RILPL1: variants seen among roughly 807,000 people sequenced by gnomAD.
RILPL1 encodes Rab interacting lysosomal protein like 1.
In RILPL1, 33 loss-of-function variants were observed where a neutral mutation model predicts 50.3. The observed-to-expected ratio is 0.66, with a 90% confidence interval of 0.50 to 0.88. The LOEUF is 0.88. Among genes scored for constraint, RILPL1 ranks in the 40% least tolerant of loss-of-function variants. RILPL1 has a pLI of 0.00. For missense variants in RILPL1, 418 were observed against 542.5 expected (o/e 0.77, Z 2.28); for synonymous variants, 205 against 228.6 (o/e 0.90, Z 0.93).
intron 2 of RILPL1, among the ~76,000 whole-genome samples, chr12:123,508,181 C>T (rs1172930966): frequency 6.6e-6 from 1 of 152,038 alleles, no homozygotes; most frequent in East Asian, 1.9e-4. Flanking sequence ...ATCACTGGAA[C>T]TCAGGAGGTC....
rs1237283884 is a variant in RILPL1, at chr12:123,533,414, G to T, written c.69C>A (p.Thr23=). 23 of 1,545,102 alleles carry T rather than the reference G, an allele frequency of 1.5e-5. No individual in the cohort carries two copies. In the East Asian group the frequency reaches 4.7e-4, roughly 31 times the overall value. The change falls in exon 1 of 7, where the codon ACC becomes ACA. Residue 23 remains threonine, a synonymous_variant. Coordinates refer to ENST00000376874, the MANE Select transcript of RILPL1 (RefSeq NM_178314.5). This position sits in a 1 kb window ranked among gnomAD's most constrained non-coding sequence, Gnocchi z 6.2. Reference sequence around the variant, plus strand: ...ACGCGATGTCGTACACGTCCATGACGGTCAGCTCGGCCACGTTCTTCTCCA... The same window carrying T: ...ACGCGATGTCGTACACGTCCATGACTGTCAGCTCGGCCACGTTCTTCTCCA... ...SALEKNVAEL[T]VMDVYDIASL...
chr12:123,500,793 A>G (rs1883331460), intron 2 of RILPL1, among the ~76,000 whole-genome samples: 1 of 152,098 alleles, frequency 6.6e-6, no homozygotes, highest in Non-Finnish European at 1.5e-5. Context: ...TAAATGATGA[A>G]CAGAGAAAGG....
At chr12:123,478,822 G>A (rs1404019546) in intron 6 of RILPL1, among the ~76,000 whole-genome samples, 1 of 152,184 alleles carries the variant, frequency 6.6e-6, no homozygotes, top group Admixed American at 6.5e-5. Context: ...CAGGGACCAC[G>A]CAAAAGGGGG....
At chr12:123,481,109 C>G (rs1008934540) in intron 6 of RILPL1, among the ~76,000 whole-genome samples, 3 of 152,134 alleles carry the variant, frequency 2.0e-5, no homozygotes, top group Non-Finnish European at 4.4e-5. Context: ...GTAATCCCAG[C>G]ACTTTGGGAG....
In RILPL1 at chr12:123,485,658, G is replaced by A; in HGVS notation, c.949C>T (p.Gln317Ter). The stretch of plus-strand genomic sequence containing the variant: ...CTCTTATAGTAAGCCAGCTCCTCCT[G>A]CAGCAAGAACACCTTGGACTTGAGC... Reference protein sequence around the residue: ...NELKSKVFLLQEELAYYKSEE... With the variant: ...NELKSKVFLL Residue 317 changes from glutamine to a stop codon, truncating the protein, a stop_gained, in exon 5 of 7, where the codon CAG becomes TAG. Coordinates refer to ENST00000376874, the MANE Select transcript of RILPL1 (RefSeq NM_178314.5). LOFTEE classifies it high-confidence loss of function. This position sits in a 1 kb window ranked among gnomAD's most constrained non-coding sequence, Gnocchi z 4.0. 1 of 1,613,732 alleles carries A rather than the reference G, an allele frequency of 6.2e-7. No individual in the cohort carries two copies. The highest frequency in any genetic ancestry group is 8.5e-7 in the Non-Finnish European group (1 of 1,179,772).
In RILPL1 at chr12:123,485,277, C is replaced by CCA; in HGVS notation, c.974+354_974+355dup. 2.2e-6 allele frequency: 1 copy of CCA among 459,716 alleles called. No individual in the cohort carries two copies. The highest frequency in any genetic ancestry group is 1.6e-5 in the South Asian group (1 of 64,190). The allele number at this position is 459,716 out of a possible 1,614,324, so 28.5% of individuals were successfully genotyped here. On this transcript the variant is annotated intron_variant, in intron 5 of 6. Coordinates refer to ENST00000376874, the MANE Select transcript of RILPL1 (RefSeq NM_178314.5). This position sits in a 1 kb window ranked among gnomAD's most constrained non-coding sequence, Gnocchi z 4.0. ...AGGATAATGTAGGAGGTGAAAAGGG[C>CCA]CACATAGACCATTAACACCGGGGCC...
intron 2 of RILPL1, among the ~76,000 whole-genome samples, chr12:123,521,348 C>T (rs536033541): frequency 3.1e-4 from 47 of 151,750 alleles, no homozygotes; most frequent in Non-Finnish European, 5.7e-4. Context: ...AAACCTGGGC[C>T]GCCTGGCTCC....
At chr12:123,508,554 A>G (rs1009255218) in intron 2 of RILPL1, among the ~76,000 whole-genome samples, 1 of 152,240 alleles carries the variant, frequency 6.6e-6, no homozygotes, top group African/African-American at 2.4e-5. Flanking sequence ...AAAAGGTCAG[A>G]GTCAGGGTGA....
chr12:123,512,983 TGTG>T (rs1427783474), intron 2 of RILPL1, among the ~76,000 whole-genome samples: 3 of 145,658 alleles, frequency 2.1e-5, no homozygotes, highest in Non-Finnish European at 3.0e-5. Flanking sequence ...GAGGTCTGTG[TGTG>T]GTATGTGAGG....
chr12:123,475,920 T>G, intron 6 of RILPL1: 1 of 448,788 alleles, frequency 2.2e-6, no homozygotes, highest in East Asian at 3.7e-5. Context: ...TTTTTTTTTT[T>G]TGAGACAGAG....
Position 123,491,939 on chromosome 12 carries a change from G to A in RILPL1, c.802-6134C>T, listed in dbSNP as rs1045001166. 2.0e-5 allele frequency among the ~76,000 whole-genome samples: 3 copies of A among 152,114 alleles called. No individual in the cohort carries two copies. Among genetic ancestry groups the A allele is most frequent in the South Asian group, 2.1e-4 (1 of 4,814 alleles). Reference sequence around the variant, plus strand: ...CAAGAATTGCTTGAACCCAGGAGGCGGAGGTTGTGGTGAGCCAAGATCGTG... The same window carrying A: ...CAAGAATTGCTTGAACCCAGGAGGCAGAGGTTGTGGTGAGCCAAGATCGTG... On this transcript the variant is annotated intron_variant, in intron 4 of 6. Coordinates refer to ENST00000376874, the MANE Select transcript of RILPL1 (RefSeq NM_178314.5). This position sits in a 1 kb window ranked among gnomAD's most constrained non-coding sequence, Gnocchi z 4.0.
At chr12:123,499,585 T>C (rs879905825) in intron 2 of RILPL1, 49 bp from the exon 3 acceptor site, 1 of 1,382,886 alleles carries the variant, frequency 7.2e-7, no homozygotes, top group Non-Finnish European at 1.0e-6. Context: ...ACTCCTATGT[T>C]GAAATCATCC....
chr12:123,505,636 G>GT (rs1275139314), intron 2 of RILPL1, among the ~76,000 whole-genome samples: 4 of 151,582 alleles, frequency 2.6e-5, no homozygotes, highest in Admixed American at 6.6e-5. Context: ...TTTGTTTTCT[G>GT]TTTTTTTTGA....
chr12:123,490,057 C>G (rs908382194), intron 4 of RILPL1, among the ~76,000 whole-genome samples: 1 of 152,098 alleles, frequency 6.6e-6, no homozygotes, highest in African/African-American at 2.4e-5. Flanking sequence ...TCTCCTTCTC[C>G]TGCCTGGACC....
At chr12:123,477,103 G>C (rs181795956) in intron 6 of RILPL1, among the ~76,000 whole-genome samples, 1 of 152,160 alleles carries the variant, frequency 6.6e-6, no homozygotes, top group Admixed American at 6.5e-5. Flanking sequence ...CTAAGCCCAC[G>C]GTAAGTAAAT....
At position 123,485,605 on chromosome 12, in the gene RILPL1, C is replaced by G; in HGVS notation, c.974+28G>C. ...GGCTAACCTCAGTAAGGAGCCAGCT[C>G]GGGCCATCCAGCCCCAGGGACACTT... On this transcript the variant is annotated intron_variant, in intron 5 of 6. Transcript: ENST00000376874. The surrounding 1 kb of genome is among the most constrained non-coding windows in gnomAD (Gnocchi z 4.0). 1 of 1,607,212 alleles carries G rather than the reference C, an allele frequency of 6.2e-7. No individual in the cohort carries two copies. Among genetic ancestry groups the G allele is most frequent in the Non-Finnish European group, 8.5e-7 (1 of 1,176,324 alleles).
chr12:123,524,085 C>A (rs1296881357), intron 1 of RILPL1, among the ~76,000 whole-genome samples: 1 of 152,228 alleles, frequency 6.6e-6, no homozygotes, highest in Non-Finnish European at 1.5e-5. Context: ...GCAGACGGGG[C>A]CCCCTGCCCC....
chr12:123,493,908 C>CT (rs1035407428), intron 4 of RILPL1, among the ~76,000 whole-genome samples: 5 of 151,970 alleles, frequency 3.3e-5, no homozygotes, highest in African/African-American at 1.2e-4. Flanking sequence ...CCTTCGCCTC[C>CT]TGAGTAGCTG....
intron 6 of RILPL1, among the ~76,000 whole-genome samples, chr12:123,481,520 G>C (rs1395680008): frequency 1.3e-5 from 2 of 152,038 alleles, no homozygotes; most frequent in East Asian, 3.9e-4. Flanking sequence ...CCACGCTGTG[G>C]CAAGTTGGAA....
Sources: allele counts gnomAD v4.1 joint callset (sites outside exome capture counted in the v4.1 genomes callset), GRCh38; gene constraint gnomAD v4.1.1; non-coding constraint Gnocchi (gnomAD v3.1); transcripts MANE v1.5; gene names NCBI Gene and HGNC (gene_info 2026-07-23, HGNC 2026-07-21).